ATP11A: variants seen among roughly 807,000 people sequenced by gnomAD.
ATP11A encodes the protein ATPase phospholipid transporting 11A.
ATP11A carries 81 observed loss-of-function variants against 154.4 expected under a neutral mutation model. That is an observed-to-expected ratio of 0.52 (90% CI 0.44 to 0.63). The LOEUF (loss-of-function observed/expected upper bound fraction) is 0.63, where lower values mean the gene tolerates loss of function less well. ATP11A is among the 30% of genes least tolerant of loss of function. The pLI is 0.00. For missense variants in ATP11A, 1,316 were observed against 1,474.3 expected (o/e 0.89, Z 1.76); for synonymous variants, 623 against 585.9 (o/e 1.06, Z -0.91).
At chr13:112,767,639 G>A (rs367403) in intron 1 of ATP11A, among the ~76,000 whole-genome samples, 11,882 of 151,256 alleles carry the variant, frequency 0.079, 1,199 homozygotes, top group African/African-American at 0.23. Context: ...TGAAAGGGGT[G>A]TGTGACTCTT....
At chr13:112,737,046 C>T (rs2139725311) in intron 1 of ATP11A, among the ~76,000 whole-genome samples, 1 of 151,900 alleles carries the variant, frequency 6.6e-6, no homozygotes, top group Non-Finnish European at 1.5e-5. Context: ...TGTCTATCAA[C>T]AGTAGAAAAA....
At position 112,881,912 on chromosome 13, in the gene ATP11A, T is replaced by G. The variant is rs575398896; in HGVS notation, c.*46T>G. 1 of 1,367,770 alleles carries G rather than the reference T, an allele frequency of 7.3e-7. No individual in the cohort carries two copies. The highest frequency in any genetic ancestry group is 1.1e-5 in the South Asian group (1 of 88,042). 84.7% of individuals were successfully genotyped at this position (1,367,770 alleles called of 1,614,324 possible). A position where few individuals can be genotyped will look rare whatever the true frequency, so the allele number is the denominator to read the frequency against. On this transcript the variant is annotated 3_prime_UTR_variant, in exon 30 of 30. Coordinates refer to ENST00000375645, the MANE Select transcript of ATP11A (RefSeq NM_015205.3). ...CCAGAGCACCTGTCCCTCGGCCGCC[T>G]GGTACAGCTCCCACTCTCAGCAGGT... is the stretch of plus-strand genomic sequence containing the variant.
chr13:112,872,152 A>G (rs963909305), intron 26 of ATP11A, among the ~76,000 whole-genome samples: 1 of 152,266 alleles, frequency 6.6e-6, no homozygotes, highest in African/African-American at 2.4e-5. Context: ...ATTGAAACAA[A>G]TTAATGTATT....
chr13:112,785,118 C>G lies in ATP11A; in HGVS notation c.40-17C>G. On this transcript the variant is annotated splice_polypyrimidine_tract_variant and intron_variant, in intron 1 of 29. Transcript: ENST00000375645. The surrounding 1 kb of genome is among the most constrained non-coding windows in gnomAD (Gnocchi z 4.8). ...AGGTTCTGAGGCAGCTGCCTAACAC[C>G]GCTCTCCTTTCCGCAGTGTGCAGGA... is the stretch of plus-strand genomic sequence containing the variant. 6.9e-7 allele frequency: 1 copy of G among 1,454,806 alleles called. No homozygotes were observed. The highest frequency in any genetic ancestry group is 9.1e-7 in the Non-Finnish European group (1 of 1,098,778). The allele number at this position is 1,454,806 out of a possible 1,614,324, so 90.1% of individuals were successfully genotyped here.
At chr13:112,768,641 C>T (rs1029269218) in intron 1 of ATP11A, among the ~76,000 whole-genome samples, 7 of 152,142 alleles carry the variant, frequency 4.6e-5, no homozygotes, top group Non-Finnish European at 1.0e-4. Flanking sequence ...GCTTAAAAGG[C>T]GACACGTATA....
intron 16 of ATP11A, among the ~76,000 whole-genome samples, chr13:112,837,778 C>A (rs915940165): frequency 1.2e-4 from 18 of 152,106 alleles, no homozygotes; most frequent in African/African-American, 4.1e-4. Flanking sequence ...TCAGTGCCGT[C>A]GGGCACCCTT....
Position 112,862,522 on chromosome 13 carries a change from T to A in ATP11A, c.2938T>A (p.Phe980Ile). Residue 980 changes from phenylalanine to isoleucine, a missense_variant, in exon 25 of 30, where the codon TTC becomes ATC. Around this residue, in one of 5 missense-constraint regions of ATP11A, gnomAD observed 294 missense variants for 290.2 expected, o/e 1.01. Transcript: ENST00000375645. ...LLGLFDALVF[F>I]FGAYFVFENT... ...GGGACTGTTTGACGCACTGGTGTTC[T>A]TCTTTGGTGCTTATTTCGTGTTTGA... 6.2e-7 allele frequency: 1 copy of A among 1,614,226 alleles called. No homozygotes were observed. The highest frequency in any genetic ancestry group is 1.1e-5 in the South Asian group (1 of 91,090).
intron 1 of ATP11A, among the ~76,000 whole-genome samples, chr13:112,764,682 G>A (rs529306079): frequency 4.7e-4 from 71 of 152,352 alleles, no homozygotes; most frequent in Admixed American, 3.9e-3. Flanking sequence ...TTAAGTCACC[G>A]CATTCAAAGG....
At chr13:112,740,449 C>T (rs1283049460) in intron 1 of ATP11A, among the ~76,000 whole-genome samples, 1 of 152,160 alleles carries the variant, frequency 6.6e-6, no homozygotes, top group Non-Finnish European at 1.5e-5. Flanking sequence ...GCTGGGATTC[C>T]AGGCATGAGC....
chr13:112,818,367 G>A (rs890110729), intron 6 of ATP11A, among the ~76,000 whole-genome samples: 4 of 152,312 alleles, frequency 2.6e-5, no homozygotes, highest in African/African-American at 7.2e-5. Flanking sequence ...GATCATTTGT[G>A]TGCTTGGTGA....
At position 112,810,651 on chromosome 13, in the gene ATP11A, C is replaced by T; in HGVS notation, c.366C>T (p.Asp122=). ...GYEDWLRHKA[D]NAMNQCPVHF... Reference sequence around the variant, plus strand: ...AAGACTGGCTTCGACATAAAGCAGACAATGCCATGAACCAGTGTCCTGTTC... The same window carrying T: ...AAGACTGGCTTCGACATAAAGCAGATAATGCCATGAACCAGTGTCCTGTTC... The change falls in exon 5 of 30, where the codon GAC becomes GAT. Residue 122 remains aspartate (D), a synonymous_variant. Transcript: ENST00000375645. 6.2e-7 allele frequency: 1 copy of T among 1,614,152 alleles called. No homozygotes were observed. The highest frequency in any genetic ancestry group is 8.5e-7 in the Non-Finnish European group (1 of 1,180,028).
chr13:112,876,370 C>T lies in ATP11A; in HGVS notation c.3327+429C>T, dbSNP rs1281170005. On this transcript the variant is annotated intron_variant, in intron 28 of 29. Coordinates refer to ENST00000375645, the MANE Select transcript of ATP11A (RefSeq NM_015205.3). ...ATTTTACACACTCCCAAGTTTTAGG[C>T]ACAAGCAGAATTCTGGGTCCAGGGA... is the stretch of plus-strand genomic sequence containing the variant. Among the ~76,000 whole-genome samples the T allele has an allele frequency of 2.0e-5, 3 of 151,976 alleles. No homozygotes were observed. In the East Asian group the frequency reaches 5.8e-4, roughly 30 times the overall value.
Position 112,855,974 on chromosome 13 carries a change from G to A in ATP11A, c.2307G>A (p.Met769Ile). ...ACGGAGCTGCACTGTCTCTGATAAT[G>A]AAGCCTCGAGAAGACGGGAGTTCCG... ...IIDGAALSLI[M>I]KPREDGSSGN... The change falls in exon 20 of 30, where the codon ATG (methionine) becomes ATA (isoleucine). Residue 769 changes from methionine (M) to isoleucine (I), a missense_variant. By Grantham distance (10) the Met-to-Ile change is conservative. This residue lies in a region of ATP11A where 876 missense variants were observed against 1,006.8 expected (regional missense o/e 0.87). Coordinates refer to ENST00000375645, the MANE Select transcript of ATP11A (RefSeq NM_015205.3). The A allele has an allele frequency of 1.2e-6, 2 of 1,614,214 alleles. No individual in the cohort carries two copies. The highest frequency in any genetic ancestry group is 1.7e-6 in the Non-Finnish European group (2 of 1,180,032).
chr13:112,835,039 G>A (rs8000365), intron 15 of ATP11A, among the ~76,000 whole-genome samples: 2,205 of 152,350 alleles, frequency 0.014, 58 homozygotes, highest in African/African-American at 0.05. Flanking sequence ...AGCTGCCCCC[G>A]GTGTGGCCAT....
rs1266193616 is a variant in ATP11A at position 112,864,834 on chromosome 13, A to G, written c.2991+2259A>G. On this transcript the variant is annotated intron_variant, in intron 25 of 29. Coordinates refer to ENST00000375645, the MANE Select transcript of ATP11A (RefSeq NM_015205.3). The stretch of plus-strand genomic sequence containing the variant: ...CCTGCGCAGTAATTCAGTGCAGCCC[A>G]TGCAGCTTCCCAGCGGGATCCATCA... Among the ~76,000 whole-genome samples, 16 of 61,832 alleles carry G rather than the reference A, an allele frequency of 2.6e-4. No individual in the cohort carries two copies. The South Asian group carries it at 3.4e-3, about 13-fold the overall frequency. The allele number at this position is 61,832 out of a possible 152,430, so 40.6% of individuals were successfully genotyped here.
intron 25 of ATP11A, among the ~76,000 whole-genome samples, chr13:112,870,114 A>T (rs2140407177): frequency 6.6e-6 from 1 of 152,310 alleles, no homozygotes; most frequent in South Asian, 2.1e-4. Context: ...AGGCATTTCC[A>T]AGCCAGAAGG....
rs1167516181 is a variant in ATP11A at position 112,708,549 on chromosome 13, G to A, written c.39+18094G>A. ...GTTGACAGAAAAGTAAAACGTAAAA[G>A]GAGTATTAATGGCTTTTCCTTAGCA... On this transcript the variant is annotated intron_variant, in intron 1 of 29. Coordinates refer to ENST00000375645, the MANE Select transcript of ATP11A (RefSeq NM_015205.3). Among the ~76,000 whole-genome samples, 23 of 152,194 alleles carry A rather than the reference G, an allele frequency of 1.5e-4. 1 individual carries two copies. The highest frequency in any genetic ancestry group is 1.5e-3 in the Admixed American group (23 of 15,280).
chr13:112,864,216 A>C (rs374207397), intron 25 of ATP11A, among the ~76,000 whole-genome samples: 6 of 85,094 alleles, frequency 7.1e-5, no homozygotes, highest in Middle Eastern at 9.8e-3. Context: ...CCATCACCAC[A>C]TGGGCAGTAA....
chr13:112,807,685 C>G lies in ATP11A; in HGVS notation c.333+1392C>G, dbSNP rs1047657152. ...GAAGGAAACGATGTTACTCGGGGAC[C>G]TGCCATGTGTCCTCGGGCCCAAAGT... On this transcript the variant is annotated intron_variant, in intron 4 of 29. Coordinates refer to ENST00000375645, the MANE Select transcript of ATP11A (RefSeq NM_015205.3). The surrounding 1 kb of genome is among the most constrained non-coding windows in gnomAD (Gnocchi z 4.5). Among the ~76,000 whole-genome samples, 1 of 152,186 alleles carries G rather than the reference C, an allele frequency of 6.6e-6. No homozygotes were observed. Among genetic ancestry groups the G allele is most frequent in the African/African-American group, 2.4e-5 (1 of 41,448 alleles).
Sources: gnomAD v4.1 joint callset for allele counts (sites outside exome capture counted in the v4.1 genomes callset) on GRCh38, gnomAD v4.1.1 for gene constraint, gnomAD v4.1.1 regional missense constraint, Gnocchi (gnomAD v3.1) non-coding constraint, MANE v1.5 for transcripts, NCBI Gene and HGNC (gene_info 2026-07-23, HGNC 2026-07-21) for gene names.